The following PELI2 variants were observed in gnomAD, a reference collection of about 807,000 sequenced individuals.
The protein encoded by PELI2 is E3 ubiquitin-protein ligase pellino homolog 2.
Under a neutral mutation model 42.3 loss-of-function variants are expected in PELI2, and 23 were observed. The ratio of observed to expected loss-of-function variants is 0.54; its 90% CI spans 0.39 to 0.77. The LOEUF (loss-of-function observed/expected upper bound fraction) is 0.77. PELI2 is among the 30% of genes least tolerant of loss of function. The pLI, the probability that PELI2 is intolerant of heterozygous loss-of-function variation, is 0.00. For synonymous variants in PELI2, 245 were observed against 212.2 expected, an observed-to-expected ratio of 1.15 and a Z score of -1.34; for missense variants, 463 against 553.2, an observed-to-expected ratio of 0.84 and a Z score of 1.64.
intron 2 of PELI2, among the ~76,000 whole-genome samples, chr14:56,193,465 G>A (rs1886022359): frequency 6.6e-6 from 1 of 152,120 alleles, no homozygotes; most frequent in Non-Finnish European, 1.5e-5. Context: ...GCCTACAGAA[G>A]GAATAGCAGA....
intron 1 of PELI2, among the ~76,000 whole-genome samples, chr14:56,150,904 A>G (rs925046389): frequency 6.6e-6 from 1 of 152,236 alleles, no homozygotes; most frequent in Non-Finnish European, 1.5e-5. Flanking sequence ...CAGGTGATGC[A>G]CAGGATTCCT....
At chr14:56,151,164 C>T (rs1390684768) in intron 1 of PELI2, among the ~76,000 whole-genome samples, 1 of 152,236 alleles carries the variant, frequency 6.6e-6, no homozygotes, top group Non-Finnish European at 1.5e-5. Context: ...GGCCTCTTTG[C>T]AGCATCTTTG....
chr14:56,224,279 C>T (rs370388370), intron 2 of PELI2, among the ~76,000 whole-genome samples: 53 of 152,168 alleles, frequency 3.5e-4, no homozygotes, highest in Non-Finnish European at 6.9e-4. Flanking sequence ...CTCATAGAGA[C>T]GTGATTTAGA....
At chr14:56,217,997 C>G (rs1886972927) in intron 2 of PELI2, among the ~76,000 whole-genome samples, 1 of 152,200 alleles carries the variant, frequency 6.6e-6, no homozygotes, top group Non-Finnish European at 1.5e-5. Flanking sequence ...CCTCCAACCA[C>G]CTCATTAAGT....
intron 2 of PELI2, among the ~76,000 whole-genome samples, chr14:56,247,199 T>G (rs1888194803): frequency 6.6e-6 from 1 of 152,224 alleles, no homozygotes; most frequent in Non-Finnish European, 1.5e-5. Context: ...ACGGAATTCT[T>G]TCAAAACCAA....
At chr14:56,223,968 C>A (rs1044725974) in intron 2 of PELI2, among the ~76,000 whole-genome samples, 2 of 151,996 alleles carry the variant, frequency 1.3e-5, no homozygotes, top group Non-Finnish European at 2.9e-5. Context: ...GATCGATGTA[C>A]TTTAGAGTGT....
At chr14:56,231,410 G>C (rs986708514) in intron 2 of PELI2, among the ~76,000 whole-genome samples, 1 of 152,160 alleles carries the variant, frequency 6.6e-6, no homozygotes, top group African/African-American at 2.4e-5. Flanking sequence ...CAAACTGTCT[G>C]TCAGACCACA....
At chr14:56,246,924 A>G (rs1168490857) in intron 2 of PELI2, among the ~76,000 whole-genome samples, 2 of 152,224 alleles carry the variant, frequency 1.3e-5, no homozygotes, top group Non-Finnish European at 2.9e-5. Flanking sequence ...AACTATACAG[A>G]AATATATAAG....
chr14:56,213,069 C>T (rs1886766327), intron 2 of PELI2, among the ~76,000 whole-genome samples: 1 of 152,198 alleles, frequency 6.6e-6, no homozygotes, highest in Non-Finnish European at 1.5e-5. Flanking sequence ...CATTGCCCTT[C>T]AGTCTTCTTA....
chr14:56,232,603 A>G (rs7145410), intron 2 of PELI2, among the ~76,000 whole-genome samples: 140,019 of 151,866 alleles, frequency 0.92, 64,916 homozygotes, highest in African/African-American at 0.98. Context: ...TCAACGGGAC[A>G]TATCTCAAAA....
chr14:56,185,058 T>G (rs1340646207), intron 2 of PELI2, among the ~76,000 whole-genome samples: 1 of 151,732 alleles, frequency 6.6e-6, no homozygotes, highest in East Asian at 1.9e-4. Flanking sequence ...ATATGGCTAT[T>G]TTTTTATTAA....
chr14:56,130,559 T>C (rs1883448838), intron 1 of PELI2, among the ~76,000 whole-genome samples: 1 of 152,204 alleles, frequency 6.6e-6, no homozygotes, highest in African/African-American at 2.4e-5. Flanking sequence ...TTCCTTGGGT[T>C]TACAACTTAT....
In PELI2 at chr14:56,190,368, T is replaced by C. The variant is rs578105055; in HGVS notation, c.207+11904T>C. Among the ~76,000 whole-genome samples, 221 of 152,344 alleles carry C rather than the reference T, an allele frequency of 1.5e-3. 1 individual carries two copies. The highest frequency in any genetic ancestry group is 5.2e-3 in the African/African-American group (217 of 41,566). On this transcript the variant is annotated intron_variant, in intron 2 of 5. Transcript: ENST00000267460. ...AATGAGAATTCTGATAAGCAGATCTTACCCAGCATTTTTTATTTTAAGAAG... is the reference window on the plus strand; with the variant it reads ...AATGAGAATTCTGATAAGCAGATCTCACCCAGCATTTTTTATTTTAAGAAG...
rs1300939548 is a variant in PELI2 at position 56,180,364 on chromosome 14, T to C, written c.207+1900T>C. On this transcript the variant is annotated intron_variant, in intron 2 of 5. Transcript: ENST00000267460. This position sits in a 1 kb window ranked among gnomAD's most constrained non-coding sequence, Gnocchi z 4.4. The stretch of plus-strand genomic sequence containing the variant: ...CAGACAAAAGTAAGATAAATTATTA[T>C]AGGCTAGCCCTCAGAATCAGAGAAA... 6.6e-6 allele frequency among the ~76,000 whole-genome samples: 1 copy of C among 152,186 alleles called. No homozygotes were observed. Among genetic ancestry groups the C allele is most frequent in the African/African-American group, 2.4e-5 (1 of 41,440 alleles).
chr14:56,237,462 A>G (rs558631828), intron 2 of PELI2, among the ~76,000 whole-genome samples: 3 of 152,112 alleles, frequency 2.0e-5, no homozygotes, highest in African/African-American at 7.2e-5. Context: ...GTGGAACTAA[A>G]TTATCTCTTC....
At chr14:56,271,218 G>T (rs772964001) in intron 2 of PELI2, among the ~76,000 whole-genome samples, 1 of 152,120 alleles carries the variant, frequency 6.6e-6, no homozygotes, top group Non-Finnish European at 1.5e-5. Flanking sequence ...CCAGGCTGCC[G>T]CACGCTCGCT....
At chr14:56,234,260 C>G (rs1480388591) in intron 2 of PELI2, among the ~76,000 whole-genome samples, 2 of 152,116 alleles carry the variant, frequency 1.3e-5, no homozygotes, top group African/African-American at 4.8e-5. Flanking sequence ...GGTATATACC[C>G]AAAGGAGTAT....
chr14:56,140,485 A>G (rs1260002804), intron 1 of PELI2, among the ~76,000 whole-genome samples: 1 of 152,226 alleles, frequency 6.6e-6, no homozygotes, highest in Non-Finnish European at 1.5e-5. Context: ...AGAAAAGGAC[A>G]TTAAATTTAA....
intron 2 of PELI2, among the ~76,000 whole-genome samples, chr14:56,274,158 C>CG (rs1889207131): frequency 6.6e-6 from 1 of 151,736 alleles, no homozygotes; most frequent in Admixed American, 6.6e-5. Flanking sequence ...GCGTGGATGT[C>CG]GTCAGGCTTT....
Sources: allele counts gnomAD v4.1 joint callset (sites outside exome capture counted in the v4.1 genomes callset), GRCh38; gene constraint gnomAD v4.1.1; non-coding constraint Gnocchi (gnomAD v3.1); transcripts MANE v1.5; gene names NCBI Gene and HGNC (gene_info 2026-07-23, HGNC 2026-07-21).